Variants in SIRT5 observed in about 807,000 individuals in gnomAD.
SIRT5 encodes sirtuin 5, also known as NAD-dependent protein deacylase sirtuin-5, mitochondrial.
In SIRT5, 26 loss-of-function variants were observed where a neutral mutation model predicts 40.0. The ratio of observed to expected loss-of-function variants is 0.65; its 90% CI spans 0.48 to 0.90. The LOEUF (loss-of-function observed/expected upper bound fraction) is 0.90. Ranked by LOEUF, SIRT5 falls within the 40% of genes least tolerant of loss-of-function variation. The pLI, the probability that SIRT5 is intolerant of heterozygous loss-of-function variation, is 0.00. For missense variants in SIRT5, 401 were observed against 402.4 expected, an observed-to-expected ratio of 1.00 and a Z score of 0.03; for synonymous variants, 146 against 149.1, an observed-to-expected ratio of 0.98 and a Z score of 0.15.
chr6:13,597,156 G>A, intron 7 of SIRT5, 140 bp downstream of exon 7: 1 of 644,646 alleles, frequency 1.6e-6, no homozygotes, highest in Non-Finnish European at 2.6e-6. Context: ...CTTGATCTCT[G>A]AGACCAAAAG....
chr6:13,592,915 ATT>A (rs70989874), intron 5 of SIRT5, among the ~76,000 whole-genome samples: 3 of 139,098 alleles, frequency 2.2e-5, no homozygotes, highest in Non-Finnish European at 3.0e-5. Context: ...ATTTAATTTA[ATT>A]TTTTTTTTTT....
In SIRT5 at chr6:13,588,372, A is replaced by G. The variant is rs1388076267; in HGVS notation, c.157A>G (p.Ile53Val). The G allele has an allele frequency of 4.3e-6, 7 of 1,614,230 alleles. No individual in the cohort carries two copies. Among genetic ancestry groups the G allele is most frequent in the East Asian group, 2.2e-5 (1 of 44,890 alleles). Residue 53 changes from isoleucine to valine, a missense_variant, in exon 4 of 10, where the codon ATA becomes GTA. Transcript: ENST00000606117. The part of the protein sequence containing the change: ...FRKFFAKAKH[I>V]VIISGAGVSA... ...AAAGTTTTTTGCAAAAGCAAAGCAC[A>G]TAGTCATCATCTCAGGAGCTGGTGT...
At chr6:13,604,890 T>C (rs1269049688) in intron 9 of SIRT5, 3 of 1,008,914 alleles carry the variant, frequency 3.0e-6, no homozygotes, top group Non-Finnish European at 3.5e-6. Flanking sequence ...GAAATTCTTA[T>C]CAATTTGGCA....
rs771152027 is a variant in SIRT5 at position 13,591,677 on chromosome 6, G to A, written c.258G>A (p.Ala86=). ...TCCTCTCCCACTCCCAGGACCTGGC[G>A]ACTCCCCTGGCCTTTGCCCACAACC... ...YWRKWQAQDL[A]TPLAFAHNPS... is the part of the protein sequence containing the mutation. The change falls in exon 5 of 10, where the codon GCG becomes GCA. Residue 86 remains alanine, a synonymous_variant. Coordinates refer to ENST00000606117, the MANE Select transcript of SIRT5 (RefSeq NM_012241.5). 31 of 1,566,016 alleles carry A rather than the reference G, an allele frequency of 2.0e-5. No homozygotes were observed. The highest frequency in any genetic ancestry group is 1.1e-4 in the Admixed American group (6 of 55,772).
intron 2 of SIRT5, among the ~76,000 whole-genome samples, chr6:13,580,353 G>C (rs2804913): frequency 0.59 from 90,329 of 151,820 alleles, 27,151 homozygotes; most frequent in Admixed American, 0.68. Context: ...TAAAATTCAC[G>C]CTTTTTATTA....
At chr6:13,605,329 C>A in intron 9 of SIRT5, 1 of 900,416 alleles carries the variant, frequency 1.1e-6, no homozygotes, top group Non-Finnish European at 1.3e-6. Flanking sequence ...CAGAGACTGG[C>A]TGGTCTGCAA....
chr6:13,586,610 C>G (rs528012329), intron 3 of SIRT5, among the ~76,000 whole-genome samples: 2 of 152,120 alleles, frequency 1.3e-5, no homozygotes, highest in Non-Finnish European at 2.9e-5. Context: ...CTTAATTTCT[C>G]TCAGCCTTGT....
At chr6:13,582,867 C>A (rs986040180) in intron 2 of SIRT5, among the ~76,000 whole-genome samples, 2 of 152,196 alleles carry the variant, frequency 1.3e-5, no homozygotes, top group African/African-American at 4.8e-5. Context: ...CAGTACACTT[C>A]TTTCCTTCAG....
intron 9 of SIRT5, among the ~76,000 whole-genome samples, chr6:13,601,309 C>A (rs1219194181): frequency 6.6e-6 from 1 of 152,202 alleles, no homozygotes; most frequent in Non-Finnish European, 1.5e-5. Flanking sequence ...CCTTGCAGAA[C>A]CTCATCACCT....
intron 1 of SIRT5, among the ~76,000 whole-genome samples, chr6:13,578,817 T>A (rs1758972985): frequency 1.3e-5 from 2 of 151,940 alleles, no homozygotes; most frequent in Admixed American, 6.6e-5. Context: ...TACAGGCTTT[T>A]AAAAAAAATC....
Position 13,614,563 on chromosome 6 carries a change from G to A in SIRT5, c.*2698G>A, listed in dbSNP as rs1048789387. On this transcript the variant is annotated 3_prime_UTR_variant, in exon 10 of 10. Coordinates refer to ENST00000606117, the MANE Select transcript of SIRT5 (RefSeq NM_012241.5). ...TAAAATATACTTGGAAAAAAAGTAC[G>A]TATGTGTATATACCACAAAACTCGG... 6.6e-6 allele frequency: 1 copy of A among 152,248 alleles called. No individual in the cohort carries two copies. Among genetic ancestry groups the A allele is most frequent in the African/African-American group, 2.4e-5 (1 of 41,458 alleles). 9.4% of individuals were successfully genotyped at this position (152,248 alleles called of 1,614,324 possible).
chr6:13,599,103 C>T lies in SIRT5; in HGVS notation c.689C>T (p.Ala230Val), dbSNP rs1378593501. Reference protein sequence around the residue: ...VVWFGENLDPAILEEVDRELA... With the variant: ...VVWFGENLDPVILEEVDRELA... ...TGGTTTGGAGAAAACCTGGATCCTGCCATTCTGGAGGAGGTTGACAGAGAG... is the reference window on the plus strand; with the variant it reads ...TGGTTTGGAGAAAACCTGGATCCTGTCATTCTGGAGGAGGTTGACAGAGAG... Residue 230 changes from alanine (A) to valine (V), a missense_variant, in exon 8 of 10, where the codon GCC becomes GTC. Transcript: ENST00000606117. 7 of 1,613,892 alleles carry T rather than the reference C, an allele frequency of 4.3e-6. No homozygotes were observed. Among genetic ancestry groups the T allele is most frequent in the Non-Finnish European group, 5.9e-6 (7 of 1,179,974 alleles).
intron 9 of SIRT5, among the ~76,000 whole-genome samples, chr6:13,603,276 CAAAAAAAAAA>C (rs36093293): frequency 1.8e-4 from 9 of 49,292 alleles, no homozygotes; most frequent in Non-Finnish European, 3.6e-4. Flanking sequence ...GACTCCGTCT[CAAAAAAAAAA>C]AAAAAAAAAA....
chr6:13,610,896 CTGAGGAAA>C (rs1763747133), intron 9 of SIRT5, among the ~76,000 whole-genome samples: 1 of 152,122 alleles, frequency 6.6e-6, no homozygotes, highest in Non-Finnish European at 1.5e-5. Context: ...ATGAGTTGCA[CTGAGGAAA>C]TGCCTTTTCT....
intron 7 of SIRT5, among the ~76,000 whole-genome samples, chr6:13,597,433 T>TAAAAAAAA (rs60503838): frequency 9.8e-6 from 1 of 102,396 alleles, no homozygotes; most frequent in African/African-American, 3.5e-5. Context: ...GTTCATAGAT[T>TAAAAAAAA]AAAAAAAAAA....
Position 13,591,684 on chromosome 6 carries a change from C to T in SIRT5, c.265C>T (p.Leu89=). The T allele has an allele frequency of 6.3e-7, 1 of 1,587,350 alleles. No homozygotes were observed. Among genetic ancestry groups the T allele is most frequent in the Admixed American group, 1.7e-5 (1 of 57,742 alleles). The change falls in exon 5 of 10, where the codon CTG becomes TTG. Residue 89 remains leucine, a synonymous_variant. Coordinates refer to ENST00000606117, the MANE Select transcript of SIRT5 (RefSeq NM_012241.5). ...KWQAQDLATP[L]AFAHNPSRVW... ...CCACTCCCAGGACCTGGCGACTCCC[C>T]TGGCCTTTGCCCACAACCCGTCCCG...
At position 13,591,850 on chromosome 6, in the gene SIRT5, A is replaced by C. The variant is rs1445093440; in HGVS notation, c.431A>C (p.Glu144Ala). The C allele has an allele frequency of 6.2e-7, 1 of 1,614,050 alleles. No homozygotes were observed. The highest frequency in any genetic ancestry group is 8.5e-7 in the Non-Finnish European group (1 of 1,179,926). The change falls in exon 5 of 10, where the codon GAG (glutamate) becomes GCG (alanine). Residue 144 changes from glutamate (E) to alanine (A), a missense_variant. Physicochemically the swap from Glu to Ala is moderately radical, Grantham distance 107. Coordinates refer to ENST00000606117, the MANE Select transcript of SIRT5 (RefSeq NM_012241.5). ...RVVVITQNID[E>A]LHRKAGTKNL... is the part of the protein sequence containing the mutation. ...GTGGTCATCACCCAGAACATCGATG[A>C]GCTGCACCGCAAGGCTGGCACCAAG... is the stretch of plus-strand genomic sequence containing the variant.
intron 2 of SIRT5, among the ~76,000 whole-genome samples, chr6:13,580,926 C>T (rs762625509): frequency 9.2e-5 from 14 of 152,292 alleles, no homozygotes; most frequent in South Asian, 6.2e-4. Flanking sequence ...CTCCCAAAGT[C>T]CTGGGATTAC....
At chr6:13,595,846 G>A (rs139847196) in intron 6 of SIRT5, among the ~76,000 whole-genome samples, 5,755 of 152,192 alleles carry the variant, frequency 0.038, 154 homozygotes, top group South Asian at 0.12. Flanking sequence ...ACAAAAATTA[G>A]CTGGGTGTGG....
Sources: allele counts gnomAD v4.1 joint callset (sites outside exome capture counted in the v4.1 genomes callset), GRCh38; gene constraint gnomAD v4.1.1; transcripts MANE v1.5; gene names NCBI Gene and HGNC (gene_info 2026-07-23, HGNC 2026-07-21).